ACOT9: variants seen among roughly 807,000 people sequenced by gnomAD.
The protein encoded by ACOT9 is acyl-coenzyme A thioesterase 9, mitochondrial.
A neutral mutation model predicts 39.7 loss-of-function variants in ACOT9; 34 were observed. The observed-to-expected ratio is 0.86, with a 90% confidence interval of 0.65 to 1.14. ACOT9 has a LOEUF of 1.14. Ranked by LOEUF, ACOT9 falls within the 50% of genes most tolerant of loss-of-function variation. The pLI, the probability that ACOT9 is intolerant of heterozygous loss-of-function variation, is 0.00. For synonymous variants in ACOT9, 110 were observed against 120.5 expected (o/e 0.91, Z 0.57); for missense variants, 313 against 344.1 (o/e 0.91, Z 0.71).
rs369658267 is a variant in ACOT9 at position 23,713,246 on chromosome X, T to C, written c.589-38A>G. On this transcript the variant is annotated intron_variant, in intron 8 of 15. Transcript: ENST00000379303. Reference sequence around the variant, plus strand: ...GGAAAGAAAATGTACATATGAGAAATGGATTTATCGGGAAGACCTACCACG... The same window carrying C: ...GGAAAGAAAATGTACATATGAGAAACGGATTTATCGGGAAGACCTACCACG... 4.5e-4 allele frequency: 496 copies of C among 1,094,861 alleles called. 2 individuals carry two copies. Among genetic ancestry groups the C allele is most frequent in the Non-Finnish European group, 5.8e-4 (461 of 795,430 alleles). The allele number at this position is 1,094,861 out of a possible 1,213,427, so 90.2% of individuals were successfully genotyped here.
At position 23,721,969 on chromosome X, in the gene ACOT9, C is replaced by G. The variant is rs767157676; in HGVS notation, c.500G>C (p.Ser167Thr). Residue 167 changes from serine to threonine, a missense_variant, in exon 8 of 16, where the codon AGC becomes ACC. Physicochemically the swap from Ser to Thr is moderately conservative, Grantham distance 58. Coordinates refer to ENST00000379303, the MANE Select transcript of ACOT9 (RefSeq NM_001037171.2). ...CTTAATGTCCTGTTCTGGGCTCAAG[C>G]TCTTCTTACACATATCTGCAAAACA... ...LVDKIDMCKK[S>T]LSPEQDIKFS... The G allele has an allele frequency of 5.0e-6, 6 of 1,206,755 alleles. No homozygotes were observed. The East Asian group carries it at 1.8e-4, about 36-fold the overall frequency.
At chrX:23,722,879 T>C in intron 6 of ACOT9, 126 bp from the exon 7 acceptor site, 2 of 413,518 alleles carry the variant, frequency 4.8e-6, no homozygotes, top group Non-Finnish European at 8.5e-6. Context: ...TAATATTCCA[T>C]TGATCATCTT....
rs764487481 is a variant in ACOT9, at chrX:23,743,169, T to G, written c.-25A>C. ...TTGCGCTAGGCTGCCGTGCGCGCGA[T>G]GGAGAACCGGGCCCCGCGCGCTAGT... On this transcript the variant is annotated 5_prime_UTR_variant, in exon 1 of 16. Transcript: ENST00000379303. 3 of 1,150,919 alleles carry G rather than the reference T, an allele frequency of 2.6e-6. No homozygotes were observed. In the South Asian group the frequency reaches 5.9e-5, roughly 23 times the overall value. The allele number at this position is 1,150,919 out of a possible 1,213,427, so 94.8% of individuals were successfully genotyped here. A position where few individuals can be genotyped will look rare whatever the true frequency, so the allele number is the denominator to read the frequency against.
Position 23,721,804 on chromosome X carries a change from T to A in ACOT9, c.588+77A>T, listed in dbSNP as rs192298599. Reference sequence around the variant, plus strand: ...AGCAACATACCTGTCTACAGATACATAGGTAAATAAGCTTTTCTTGCATGG... The same window carrying A: ...AGCAACATACCTGTCTACAGATACAAAGGTAAATAAGCTTTTCTTGCATGG... On this transcript the variant is annotated intron_variant, in intron 8 of 15. Coordinates refer to ENST00000379303, the MANE Select transcript of ACOT9 (RefSeq NM_001037171.2). The A allele has an allele frequency of 6.0e-6, 5 of 836,186 alleles. No homozygotes were observed. In the African/African-American group the frequency reaches 8.0e-5, roughly 13 times the overall value. The allele number at this position is 836,186 out of a possible 1,213,427, so 68.9% of individuals were successfully genotyped here. A position where few individuals can be genotyped will look rare whatever the true frequency, so the allele number is the denominator to read the frequency against.
chrX:23,712,506 G>GC (rs1555936661), intron 9 of ACOT9, among the ~76,000 whole-genome samples: 1,161 of 107,339 alleles, frequency 0.011, 19 homozygotes, highest in African/African-American at 0.038. Flanking sequence ...CTGTAAGTCT[G>GC]TTTTTTTTTG....
intron 4 of ACOT9, among the ~76,000 whole-genome samples, chrX:23,732,106 G>C (rs1233610899): frequency 4.5e-5 from 5 of 111,970 alleles, no homozygotes; most frequent in Admixed American, 9.6e-5. Flanking sequence ...GGAAGAATAG[G>C]GGAAGGACGA....
chrX:23,730,960 C>T lies in ACOT9; in HGVS notation c.218G>A (p.Arg73Lys). The T allele has an allele frequency of 1.7e-6, 2 of 1,210,237 alleles. No homozygotes were observed. The highest frequency in any genetic ancestry group is 2.2e-6 in the Non-Finnish European group (2 of 894,705). ...WRDHVKAMEE[R>K]KLLHSFLAKS... Reference sequence around the variant, plus strand: ...AGCCAAGAAACTATGAAGTAATTTCCTTTCTTCCATTGCCTTCACATGGTC... The same window carrying T: ...AGCCAAGAAACTATGAAGTAATTTCTTTTCTTCCATTGCCTTCACATGGTC... Residue 73 changes from arginine (R) to lysine (K), a missense_variant, in exon 5 of 16, where the codon AGG becomes AAG. By Grantham distance (26) the Arg-to-Lys change is conservative. Coordinates refer to ENST00000379303, the MANE Select transcript of ACOT9 (RefSeq NM_001037171.2).
intron 1 of ACOT9, among the ~76,000 whole-genome samples, chrX:23,738,750 C>G (rs765432383): frequency 8.9e-6 from 1 of 112,093 alleles, no homozygotes; most frequent in East Asian, 2.8e-4. Flanking sequence ...ATAATAGACA[C>G]GTTAAATGTA....
intron 6 of ACOT9, among the ~76,000 whole-genome samples, chrX:23,727,115 C>T (rs778135415): frequency 8.0e-4 from 90 of 112,364 alleles, no homozygotes; most frequent in African/African-American, 2.5e-3. Flanking sequence ...CCACCCTGCC[C>T]GGCCTATTTT....
At chrX:23,713,304 G>A in intron 8 of ACOT9, 96 bp from the exon 9 acceptor site, 2 of 695,708 alleles carry the variant, frequency 2.9e-6, no homozygotes, top group Non-Finnish European at 2.2e-6. Flanking sequence ...CTGGCCAGGT[G>A]CAGTCGCTCA....
rs148911402 is a variant in ACOT9 at position 23,740,031 on chromosome X, T to A, written c.20+3094A>T. 1.8e-3 allele frequency among the ~76,000 whole-genome samples: 203 copies of A among 111,634 alleles called. 1 individual carries two copies. The highest frequency in any genetic ancestry group is 5.7e-3 in the African/African-American group (174 of 30,726). On this transcript the variant is annotated intron_variant, in intron 1 of 15. Coordinates refer to ENST00000379303, the MANE Select transcript of ACOT9 (RefSeq NM_001037171.2). ...AATTGGAACACTTTTTAAAAAAATG[T>A]TGCTTATACCAATAGCATATTGGTA...
intron 1 of ACOT9, among the ~76,000 whole-genome samples, chrX:23,740,638 G>A (rs1278429972): frequency 1.9e-5 from 2 of 107,347 alleles, no homozygotes; most frequent in Non-Finnish European, 1.9e-5. Context: ...AGTTTCAGAC[G>A]ACTTTCCCCC....
At chrX:23,711,636 CACTGGAAAAAG>C (rs1206018034) in intron 9 of ACOT9, among the ~76,000 whole-genome samples, 1 of 111,750 alleles carries the variant, frequency 8.9e-6, no homozygotes, top group Non-Finnish European at 1.9e-5. Flanking sequence ...ACATTGAAAG[CACTGGAAAAAG>C]ACTGATGGGA....
intron 8 of ACOT9, among the ~76,000 whole-genome samples, chrX:23,720,182 A>G (rs1929267449): frequency 8.9e-6 from 1 of 112,628 alleles, no homozygotes; most frequent in African/African-American, 3.2e-5. Flanking sequence ...CATACACTGA[A>G]TCATTTTATT....
In ACOT9 at chrX:23,715,731, T is replaced by C. The variant is rs946087082; in HGVS notation, c.589-2523A>G. On this transcript the variant is annotated intron_variant, in intron 8 of 15. Coordinates refer to ENST00000379303, the MANE Select transcript of ACOT9 (RefSeq NM_001037171.2). ...GTCTCCCTACTGCACCGTGAGCTCC[T>C]GTAGGACAAAGACCATTTTCCCCCA... Among the ~76,000 whole-genome samples the C allele has an allele frequency of 2.7e-5, 3 of 111,775 alleles. No homozygotes were observed. The East Asian group carries it at 8.3e-4, about 31-fold the overall frequency.
At chrX:23,739,468 A>AT (rs751342269) in intron 1 of ACOT9, among the ~76,000 whole-genome samples, 45 of 111,482 alleles carry the variant, frequency 4.0e-4, no homozygotes, top group African/African-American at 1.4e-3. Context: ...TCTAGCTATC[A>AT]TTATTCCAGA....
At chrX:23,736,811 C>T (rs1160188396) in intron 1 of ACOT9, among the ~76,000 whole-genome samples, 1 of 109,950 alleles carries the variant, frequency 9.1e-6, no homozygotes, top group Non-Finnish European at 1.9e-5. Context: ...AGAGTGAGAC[C>T]CTGCTTCAAA....
At chrX:23,736,476 GTATT>G (rs1464820718) in intron 1 of ACOT9, among the ~76,000 whole-genome samples, 1 of 112,011 alleles carries the variant, frequency 8.9e-6, no homozygotes, top group African/African-American at 3.2e-5. Flanking sequence ...TGCAAAGAAA[GTATT>G]TATTTAACTT....
chrX:23,735,620 G>A (rs947809015), intron 2 of ACOT9, among the ~76,000 whole-genome samples: 7 of 110,811 alleles, frequency 6.3e-5, no homozygotes, highest in African/African-American at 2.3e-4. Flanking sequence ...TACAACTAAT[G>A]GGCCCATCTC....
Sources: allele counts gnomAD v4.1 joint callset (sites outside exome capture counted in the v4.1 genomes callset), GRCh38; gene constraint gnomAD v4.1.1; transcripts MANE v1.5; gene names NCBI Gene and HGNC (gene_info 2026-07-23, HGNC 2026-07-21).